The following ZNF91 variants were observed in gnomAD, a reference collection of about 807,000 sequenced individuals.
ZNF91 encodes zinc finger protein 91.
A neutral mutation model predicts 12.6 loss-of-function variants in ZNF91; 7 were observed. That is an observed-to-expected ratio of 0.55 (90% confidence interval 0.31 to 1.04). ZNF91 has a LOEUF of 1.04. ZNF91 is among the 50% of genes least tolerant of loss of function. The pLI, the probability that ZNF91 is intolerant of heterozygous loss-of-function variation, is 0.05. For synonymous variants in ZNF91, 453 were observed against 462.6 expected (o/e 0.98, Z 0.27); for missense variants, 1,217 against 1,385.4 (o/e 0.88, Z 1.93).
intron 1 of ZNF91, among the ~76,000 whole-genome samples, chr19:23,378,212 T>C (rs1410574299): frequency 5.9e-5 from 9 of 152,184 alleles, no homozygotes; most frequent in South Asian, 2.1e-4. Context: ...TTATCTGCTA[T>C]TGGGTTTCAG....
chr19:23,394,096 G>A (rs1407179509), intron 1 of ZNF91, among the ~76,000 whole-genome samples: 1 of 152,190 alleles, frequency 6.6e-6, no homozygotes, highest in Non-Finnish European at 1.5e-5. Flanking sequence ...TGGCATTTGG[G>A]AATGTCAGAC....
Position 23,395,445 on chromosome 19 carries a change from C to G in ZNF91, c.-91G>C, listed in dbSNP as rs553368643. ...GGACACAGAGCAGTGAAGTCGAGAC[C>G]TGGAAACTCCGGCGGCAGCGAGAGA... On this transcript the variant is annotated 5_prime_UTR_variant, in exon 1 of 4. Transcript: ENST00000300619. The G allele has an allele frequency of 7.0e-5, 104 of 1,494,080 alleles. No homozygotes were observed. In the African/African-American group the frequency reaches 1.3e-3, roughly 19 times the overall value. 92.6% of individuals were successfully genotyped at this position (1,494,080 alleles called of 1,614,324 possible).
At chr19:23,335,817 G>T (rs761487858), downstream of ZNF91, among the ~76,000 whole-genome samples, 88 of 152,258 alleles carry the variant, frequency 5.8e-4, no homozygotes, top group South Asian at 4.2e-4. Context: ...CACTCCATGG[G>T]CTGCACCCAC....
At chr19:23,336,621 C>G (rs1014443688), downstream of ZNF91, among the ~76,000 whole-genome samples, 1 of 152,230 alleles carries the variant, frequency 6.6e-6, no homozygotes, top group African/African-American at 2.4e-5. Context: ...TTCATGCAAG[C>G]TTCCAGCTCG....
chr19:23,386,013 G>A (rs913509705), intron 1 of ZNF91, among the ~76,000 whole-genome samples: 5 of 152,088 alleles, frequency 3.3e-5, no homozygotes, highest in African/African-American at 1.2e-4. Context: ...TAGCATCCCT[G>A]TGAATCAACA....
intron 1 of ZNF91, among the ~76,000 whole-genome samples, chr19:23,376,916 T>C (rs1368238831): frequency 1.3e-5 from 2 of 152,172 alleles, no homozygotes; most frequent in Non-Finnish European, 2.9e-5. Flanking sequence ...TATGTCTGCA[T>C]TTTGAGAATT....
chr19:23,351,416 G>A (rs566063452), intron 3 of ZNF91, among the ~76,000 whole-genome samples: 11 of 152,090 alleles, frequency 7.2e-5, no homozygotes, highest in Non-Finnish European at 1.5e-4. Context: ...TTTGTGATAT[G>A]TAAGAAGGCT....
chr19:23,356,687 T>C (rs935362777), downstream of ZNF91, among the ~76,000 whole-genome samples: 5 of 152,126 alleles, frequency 3.3e-5, no homozygotes, highest in African/African-American at 1.2e-4. Context: ...ACTAAAGAAC[T>C]TACTCAACTA....
intron 1 of ZNF91, among the ~76,000 whole-genome samples, chr19:23,394,855 A>C (rs954882577): frequency 6.6e-6 from 1 of 152,186 alleles, no homozygotes; most frequent in Non-Finnish European, 1.5e-5. Flanking sequence ...TACAAACCAT[A>C]GCTGGGTGCT....
At chr19:23,349,953 AG>A (rs1303272469) in intron 3 of ZNF91, among the ~76,000 whole-genome samples, 101 of 152,322 alleles carry the variant, frequency 6.6e-4, no homozygotes, top group African/African-American at 2.4e-3. Context: ...ACTTGGACTG[AG>A]GATAGTTCAT....
rs146765932 is a variant in ZNF91 at position 23,372,454 on chromosome 19, G to C, written c.253+1288C>G. The stretch of plus-strand genomic sequence containing the variant: ...ATAAGTGCCTTTAAGAGAGCTCTGA[G>C]ATCCAGGATGGGAGTTATGAAACTC... On this transcript the variant is annotated intron_variant, in intron 3 of 3. Coordinates refer to ENST00000300619, the MANE Select transcript of ZNF91 (RefSeq NM_003430.4). Among the ~76,000 whole-genome samples, 618 of 152,300 alleles carry C rather than the reference G, an allele frequency of 4.1e-3. 9 individuals carry two copies. Among genetic ancestry groups the C allele is most frequent in the African/African-American group, 0.014 (594 of 41,566 alleles).
chr19:23,361,289 G>A lies in ZNF91; in HGVS notation c.1690C>T (p.His564Tyr). The change falls in exon 4 of 4, where the codon CAT (histidine) becomes TAT (tyrosine). Residue 564 changes from histidine (H) to tyrosine (Y), a missense_variant. Physicochemically the swap from His to Tyr is moderately conservative, Grantham distance 83. Transcript: ENST00000300619. ...TTCTTTCCAGCATGAATTATTTTAT[G>A]TGTAGTAAGGGTTGAGAATTGCTTA... ...AFKQFSTLTT[H>Y]KIIHAGKKLY... 1.2e-6 allele frequency: 2 copies of A among 1,612,688 alleles called. No homozygotes were observed. Among genetic ancestry groups the A allele is most frequent in the Non-Finnish European group, 8.5e-7 (1 of 1,179,564 alleles).
chr19:23,369,360 G>A (rs1387861864), intron 3 of ZNF91, among the ~76,000 whole-genome samples: 2 of 151,206 alleles, frequency 1.3e-5, no homozygotes, highest in African/African-American at 2.4e-5. Context: ...GCCCCCACCC[G>A]GCCAGCCGCC....
chr19:23,310,948 C>A (rs1312534181), upstream of ZNF91, among the ~76,000 whole-genome samples: 1 of 152,204 alleles, frequency 6.6e-6, no homozygotes, highest in Non-Finnish European at 1.5e-5. Flanking sequence ...CTTGCTTGGA[C>A]CGTCCCCACA....
At chr19:23,327,601 G>A (rs1423100775) in intron 1 of ZNF91, 1 of 152,104 alleles carries the variant, frequency 6.6e-6, no homozygotes, top group East Asian at 1.9e-4. Context: ...CTAGTATTTA[G>A]ACTCATACCT....
At chr19:23,343,071 AC>A (rs1445691260) in intron 3 of ZNF91, among the ~76,000 whole-genome samples, 3 of 152,250 alleles carry the variant, frequency 2.0e-5, no homozygotes, top group African/African-American at 7.2e-5. Flanking sequence ...AAAAAGATCC[AC>A]AAAACCACTG....
intron 1 of ZNF91, chr19:23,384,686 T>G: frequency 1.7e-6 from 1 of 582,764 alleles, no homozygotes. Flanking sequence ...CATGACGTCT[T>G]TGGAGATATT....
At chr19:23,314,122 CTT>C (rs1366077855), upstream of ZNF91, among the ~76,000 whole-genome samples, 1 of 152,056 alleles carries the variant, frequency 6.6e-6, no homozygotes, top group African/African-American at 2.4e-5. Flanking sequence ...GTTTTTTATT[CTT>C]TTGTCTTGGC....
At chr19:23,344,330 A>G (rs1459904519) in intron 3 of ZNF91, among the ~76,000 whole-genome samples, 1 of 151,990 alleles carries the variant, frequency 6.6e-6, no homozygotes, top group Non-Finnish European at 1.5e-5. Flanking sequence ...TCCTGACCTC[A>G]TGATCCGCCC....
Sources: allele counts gnomAD v4.1 joint callset (sites outside exome capture counted in the v4.1 genomes callset), GRCh38; gene constraint gnomAD v4.1.1; transcripts MANE v1.5; gene names NCBI Gene and HGNC (gene_info 2026-07-23, HGNC 2026-07-21).